CAMK1G: variants seen among roughly 807,000 people sequenced by gnomAD.
The protein encoded by CAMK1G is calcium/calmodulin dependent protein kinase IG.
Under a neutral mutation model 54.8 loss-of-function variants are expected in CAMK1G, and 27 were observed. That is an observed-to-expected ratio of 0.49 (90% CI 0.36 to 0.68). The LOEUF (loss-of-function observed/expected upper bound fraction) is 0.68, where lower values mean the gene tolerates loss of function less well. CAMK1G is among the 30% of genes least tolerant of loss of function. The probability of loss-of-function intolerance (pLI) is 0.00; values close to 1 mark genes in which losing one functional copy is unlikely to be tolerated. For missense variants in CAMK1G, 512 were observed against 591.0 expected, an observed-to-expected ratio of 0.87 and a Z score of 1.39; for synonymous variants, 238 against 224.9, an observed-to-expected ratio of 1.06 and a Z score of -0.52.
intron 8 of CAMK1G, among the ~76,000 whole-genome samples, chr1:209,609,492 A>G (rs1029523620): frequency 7.2e-5 from 11 of 152,200 alleles, no homozygotes; most frequent in African/African-American, 2.4e-4. Context: ...GGACCTGTTA[A>G]GTGGAAATCA....
rs772943183 is a variant in CAMK1G, at chr1:209,611,562, C to A, written c.915+10C>A. The A allele has an allele frequency of 6.2e-7, 1 of 1,610,422 alleles. No individual in the cohort carries two copies. Among genetic ancestry groups the A allele is most frequent in the Non-Finnish European group, 8.5e-7 (1 of 1,176,774 alleles). ...TAAGAGCAAGTGGAGGGTAAGCTGT[C>A]CTCTCCAGGGGGTGGGAAAGCTGTT... On this transcript the variant is annotated intron_variant, in intron 10 of 12. Coordinates refer to ENST00000361322, the MANE Select transcript of CAMK1G (RefSeq NM_020439.3).
chr1:209,607,002 A>C (rs1366084171), intron 6 of CAMK1G, among the ~76,000 whole-genome samples: 3 of 152,206 alleles, frequency 2.0e-5, no homozygotes, highest in Non-Finnish European at 4.4e-5. Context: ...AAAAAGAGTG[A>C]GAGCAGGCAG....
chr1:209,593,969 C>T (rs920771470), intron 1 of CAMK1G, among the ~76,000 whole-genome samples: 11 of 152,186 alleles, frequency 7.2e-5, no homozygotes, highest in African/African-American at 2.7e-4. Context: ...CACTCTGCAC[C>T]AGCCACACTG....
intron 5 of CAMK1G, 52 bp downstream of exon 5, chr1:209,605,726 C>T (rs1665631442): frequency 6.4e-7 from 1 of 1,567,338 alleles, no homozygotes. Flanking sequence ...CTTAAGGAAG[C>T]TGCATGGGTC....
intron 1 of CAMK1G, among the ~76,000 whole-genome samples, chr1:209,594,718 G>A (rs1464380794): frequency 1.3e-5 from 2 of 152,240 alleles, no homozygotes; most frequent in Non-Finnish European, 2.9e-5. Flanking sequence ...TTGCCCTGAT[G>A]TGAGCATGCA....
chr1:209,600,657 C>T (rs1665506287), intron 3 of CAMK1G, among the ~76,000 whole-genome samples: 1 of 152,210 alleles, frequency 6.6e-6, no homozygotes, highest in South Asian at 2.1e-4. Flanking sequence ...CCCTCAGGAG[C>T]CTATGCTGGA....
intron 1 of CAMK1G, among the ~76,000 whole-genome samples, chr1:209,591,218 T>G (rs922887211): frequency 2.0e-5 from 3 of 152,160 alleles, no homozygotes; most frequent in African/African-American, 7.2e-5. Flanking sequence ...GGCCAGTGCC[T>G]GCATCCTGAA....
At chr1:209,590,225 G>A (rs1665211510) in intron 1 of CAMK1G, among the ~76,000 whole-genome samples, 1 of 152,180 alleles carries the variant, frequency 6.6e-6, no homozygotes, top group Admixed American at 6.5e-5. Context: ...AAGAGAGGAG[G>A]GGGAGGACTT....
chr1:209,584,594 A>G (rs549107619), intron 1 of CAMK1G, among the ~76,000 whole-genome samples: 1 of 152,246 alleles, frequency 6.6e-6, no homozygotes, highest in African/African-American at 2.4e-5. Flanking sequence ...CGTAACTTTG[A>G]CGCACAAACA....
At chr1:209,603,108 A>T in intron 3 of CAMK1G, 106 bp from the exon 4 acceptor site, 1 of 945,060 alleles carries the variant, frequency 1.1e-6, no homozygotes. Context: ...GTCTTCCTAA[A>T]CATTGCCATC....
chr1:209,595,120 G>T (rs1255008617), intron 2 of CAMK1G, 45 bp downstream of exon 2: 2 of 1,385,992 alleles, frequency 1.4e-6, no homozygotes, highest in African/African-American at 2.8e-5. Context: ...GCTGCCTGCA[G>T]TGGGAGGTTA....
chr1:209,604,427 C>A (rs1449566379), intron 4 of CAMK1G, among the ~76,000 whole-genome samples: 1 of 152,194 alleles, frequency 6.6e-6, no homozygotes, highest in Non-Finnish European at 1.5e-5. Flanking sequence ...ACTCAGGCCC[C>A]TCAGGGTTAA....
chr1:209,607,600 C>T (rs182407473), intron 6 of CAMK1G, among the ~76,000 whole-genome samples: 3 of 152,294 alleles, frequency 2.0e-5, no homozygotes, highest in Admixed American at 2.0e-4. Flanking sequence ...CTGGAGATCC[C>T]CAGTCCAACA....
intron 1 of CAMK1G, among the ~76,000 whole-genome samples, chr1:209,585,931 G>A (rs1022359704): frequency 3.9e-5 from 6 of 152,246 alleles, no homozygotes; most frequent in Non-Finnish European, 7.3e-5. Flanking sequence ...GGTCAATGGC[G>A]AGGGGGTTGG....
chr1:209,595,119 A>T (rs991397012), intron 2 of CAMK1G, 44 bp downstream of exon 2: 3 of 1,390,260 alleles, frequency 2.2e-6, no homozygotes, highest in Non-Finnish European at 3.1e-6. Flanking sequence ...GGCTGCCTGC[A>T]GTGGGAGGTT....
intron 3 of CAMK1G, among the ~76,000 whole-genome samples, chr1:209,602,496 G>A (rs1408926653): frequency 6.6e-6 from 1 of 152,208 alleles, no homozygotes; most frequent in African/African-American, 2.4e-5. Context: ...ATTGTATACA[G>A]GTTGAGCATT....
chr1:209,598,972 T>C (rs1665453312), intron 2 of CAMK1G, among the ~76,000 whole-genome samples: 2 of 152,086 alleles, frequency 1.3e-5, no homozygotes, highest in South Asian at 2.1e-4. Flanking sequence ...ACTGGGCAAT[T>C]TATAAAGGAA....
intron 10 of CAMK1G, 69 bp from the exon 11 acceptor site, chr1:209,611,723 A>G (rs1483188659): frequency 1.9e-6 from 3 of 1,563,522 alleles, no homozygotes; most frequent in African/African-American, 2.7e-5. Flanking sequence ...CACAAGGCAA[A>G]GGGAAAGTTT....
intron 2 of CAMK1G, among the ~76,000 whole-genome samples, chr1:209,597,935 G>A (rs1398620675): frequency 1.3e-5 from 2 of 152,186 alleles, no homozygotes; most frequent in East Asian, 3.8e-4. Flanking sequence ...ATAGATGTCA[G>A]AAACACTTTT....
Sources: gnomAD v4.1 joint callset for allele counts (sites outside exome capture counted in the v4.1 genomes callset) on GRCh38, gnomAD v4.1.1 for gene constraint, MANE v1.5 for transcripts, NCBI Gene and HGNC (gene_info 2026-07-23, HGNC 2026-07-21) for gene names.